Variants in PRORP observed in about 807,000 individuals in gnomAD.
PRORP encodes the protein mitochondrial ribonuclease P catalytic subunit.
A neutral mutation model predicts 59.4 loss-of-function variants in PRORP; 51 were observed. That is an observed-to-expected ratio of 0.86 (90% CI 0.69 to 1.08). PRORP has a LOEUF of 1.08. Ranked by LOEUF, PRORP falls within the 50% of genes least tolerant of loss-of-function variation. PRORP has a pLI of 0.00. For synonymous variants in PRORP, 231 were observed against 245.6 expected (o/e 0.94, Z 0.55); for missense variants, 646 against 690.3 (o/e 0.94, Z 0.72).
At chr14:35,149,085 AT>A (rs1301553716) in intron 4 of PRORP, among the ~76,000 whole-genome samples, 6 of 148,262 alleles carry the variant, frequency 4.0e-5, no homozygotes, top group African/African-American at 1.5e-4. Context: ...CGCCCGGCTA[AT>A]TTTTTTGTAT....
chr14:35,260,793 G>C (rs917296197), intron 5 of PRORP, among the ~76,000 whole-genome samples: 2 of 152,194 alleles, frequency 1.3e-5, no homozygotes, highest in Non-Finnish European at 2.9e-5. Flanking sequence ...GTATTTAACA[G>C]TCAAGTGCTG....
At chr14:35,128,727 T>C (rs906140847) in intron 4 of PRORP, among the ~76,000 whole-genome samples, 2 of 152,210 alleles carry the variant, frequency 1.3e-5, no homozygotes, top group South Asian at 4.1e-4. Context: ...CTCTCCTTTT[T>C]TCTTAGTCTG....
intron 4 of PRORP, among the ~76,000 whole-genome samples, chr14:35,160,248 C>G (rs543167042): frequency 4.5e-4 from 68 of 152,300 alleles, no homozygotes; most frequent in Non-Finnish European, 2.4e-4. Flanking sequence ...CCTGCCTGTC[C>G]TATTTACTGT....
intron 5 of PRORP, among the ~76,000 whole-genome samples, chr14:35,207,417 C>T (rs1350784581): frequency 6.6e-6 from 1 of 152,190 alleles, no homozygotes; most frequent in Non-Finnish European, 1.5e-5. Flanking sequence ...ACATTGTTGT[C>T]CTATTCACCA....
At chr14:35,190,353 G>A (rs564469311) in intron 5 of PRORP, among the ~76,000 whole-genome samples, 3 of 151,358 alleles carry the variant, frequency 2.0e-5, no homozygotes, top group African/African-American at 4.8e-5. Context: ...AGTCGAGATC[G>A]AGCCATTGCA....
At chr14:35,185,170 A>G (rs1214676940) in intron 5 of PRORP, among the ~76,000 whole-genome samples, 4 of 152,124 alleles carry the variant, frequency 2.6e-5, no homozygotes, top group African/African-American at 9.7e-5. Context: ...TTTCTCTGCA[A>G]CCTCACCAGC....
intron 7 of PRORP, among the ~76,000 whole-genome samples, 189 bp downstream of exon 7, chr14:35,270,785 T>G (rs2051166390): frequency 6.6e-6 from 1 of 151,982 alleles, no homozygotes; most frequent in South Asian, 2.1e-4. Flanking sequence ...AACCTCAAAT[T>G]AATTAAAACA....
At chr14:35,272,931 T>A (rs757855940) in intron 7 of PRORP, among the ~76,000 whole-genome samples, 13 of 152,212 alleles carry the variant, frequency 8.5e-5, no homozygotes, top group Non-Finnish European at 1.8e-4. Context: ...TAATACCTAA[T>A]ACAATGTAAA....
intron 4 of PRORP, chr14:35,159,078 A>G: frequency 4.6e-6 from 1 of 217,390 alleles, no homozygotes; most frequent in Middle Eastern, 1.2e-3. Context: ...CTCCTCTCCT[A>G]ATCAGCAGTG....
rs146219622 is a variant in PRORP, at chr14:35,270,520, G to A, written c.1544G>A (p.Arg515His). The A allele has an allele frequency of 7.6e-5, 122 of 1,614,110 alleles. No homozygotes were observed. In the East Asian group the frequency reaches 1.9e-3, roughly 25 times the overall value. ...KACLPDAKTQ[R>H]LFFKWQQGHQ... ...TGTCTGCCTGATGCCAAGACCCAACGCCTGTTTTTTAAGTGGCAGCAGGGA... is the reference window on the plus strand; with the variant it reads ...TGTCTGCCTGATGCCAAGACCCAACACCTGTTTTTTAAGTGGCAGCAGGGA... The change falls in exon 7 of 8, where the codon CGC becomes CAC. Residue 515 changes from arginine (R) to histidine (H), a missense_variant. Transcript: ENST00000534898.
At chr14:35,199,483 G>A (rs985124190) in intron 5 of PRORP, among the ~76,000 whole-genome samples, 3 of 152,078 alleles carry the variant, frequency 2.0e-5, no homozygotes, top group Admixed American at 6.6e-5. Flanking sequence ...CTCTGCCCTC[G>A]TGGATGGGAT....
intron 4 of PRORP, among the ~76,000 whole-genome samples, chr14:35,157,148 G>C (rs1427710327): frequency 1.3e-5 from 2 of 151,814 alleles, no homozygotes; most frequent in Non-Finnish European, 2.9e-5. Flanking sequence ...GTAGAGATGG[G>C]GTTTCACTAT....
In PRORP at chr14:35,270,556, C is replaced by T. The variant is rs1422831009; in HGVS notation, c.1580C>T (p.Ala527Val). Residue 527 changes from alanine (A) to valine (V), a missense_variant, in exon 7 of 8, where the codon GCA becomes GTA. By Grantham distance (64) the Ala-to-Val change is moderately conservative. Transcript: ENST00000534898. ...AAGTGGCAGCAGGGACATCAGCTGGCAATTGTAAATAGGTTTCCAGGATCA... is the reference window on the plus strand; with the variant it reads ...AAGTGGCAGCAGGGACATCAGCTGGTAATTGTAAATAGGTTTCCAGGATCA... ...FFKWQQGHQL[A>V]IVNRFPGSKL... 1 of 1,613,996 alleles carries T rather than the reference C, an allele frequency of 6.2e-7. No individual in the cohort carries two copies. The highest frequency in any genetic ancestry group is 8.5e-7 in the Non-Finnish European group (1 of 1,180,038).
intron 5 of PRORP, chr14:35,235,439 AC>A: frequency 1.5e-6 from 1 of 666,566 alleles, no homozygotes. Context: ...GCAGTAAGGG[AC>A]CCCCATTTTA....
chr14:35,156,909 C>A (rs548583464), intron 4 of PRORP, among the ~76,000 whole-genome samples: 3 of 151,344 alleles, frequency 2.0e-5, no homozygotes, highest in African/African-American at 7.3e-5. Context: ...TAGTCGTTGT[C>A]AATATTTCTT....
intron 5 of PRORP, among the ~76,000 whole-genome samples, chr14:35,219,659 A>G (rs1042456097): frequency 3.3e-5 from 5 of 152,246 alleles, no homozygotes; most frequent in African/African-American, 9.6e-5. Context: ...TGCATTGGTT[A>G]GAGATAGGCT....
chr14:35,138,310 T>C (rs1323827019), intron 4 of PRORP, among the ~76,000 whole-genome samples: 1 of 146,016 alleles, frequency 6.8e-6, no homozygotes, highest in East Asian at 2.3e-4. Flanking sequence ...TACTATGGGC[T>C]GAGACTTCAA....
In PRORP at chr14:35,231,744, A is replaced by G. The variant is rs576089658; in HGVS notation, c.1276-34983A>G. 8.1e-4 allele frequency among the ~76,000 whole-genome samples: 123 copies of G among 152,308 alleles called. 2 individuals carry two copies. The South Asian group carries it at 0.024, about 30-fold the overall frequency. ...AAGGAAAGTCCTTAGAATCAGCCATACCCCAGGGGTCCTTAGAAATTTGAT... is the reference window on the plus strand; with the variant it reads ...AAGGAAAGTCCTTAGAATCAGCCATGCCCCAGGGGTCCTTAGAAATTTGAT... On this transcript the variant is annotated intron_variant, in intron 5 of 7. Transcript: ENST00000534898.
Position 35,266,756 on chromosome 14 carries a change from A to T in PRORP, c.1305A>T (p.Lys435Asn). Residue 435 changes from lysine (K) to asparagine (N), a missense_variant, in exon 6 of 8, where the codon AAA becomes AAT. Lys to Asn is a moderately conservative substitution (Grantham distance 94, BLOSUM62 0). Coordinates refer to ENST00000534898, the MANE Select transcript of PRORP (RefSeq NM_014672.4). The stretch of plus-strand genomic sequence containing the variant: ...TGAATGTCGTCTCTCAACTAGCCAA[A>T]CGGAATCTGCGACTGCTGGTCCTAG... ...LLLNVVSQLA[K>N]RNLRLLVLGR... 1 of 1,614,108 alleles carries T rather than the reference A, an allele frequency of 6.2e-7. No individual in the cohort carries two copies. The highest frequency in any genetic ancestry group is 8.5e-7 in the Non-Finnish European group (1 of 1,180,022).
Sources: gnomAD v4.1 joint callset for allele counts (sites outside exome capture counted in the v4.1 genomes callset) on GRCh38, gnomAD v4.1.1 for gene constraint, MANE v1.5 for transcripts, NCBI Gene and HGNC (gene_info 2026-07-23, HGNC 2026-07-21) for gene names.